The following TEX2 variants were observed in gnomAD, a reference collection of about 807,000 sequenced individuals.
TEX2 encodes the protein testis expressed 2.
TEX2 carries 53 observed loss-of-function variants against 106.9 expected under a neutral mutation model. The ratio of observed to expected loss-of-function variants is 0.50; its 90% CI spans 0.40 to 0.62. The LOEUF (loss-of-function observed/expected upper bound fraction) is 0.62. Ranked by LOEUF, TEX2 falls within the 20% of genes least tolerant of loss-of-function variation. TEX2 has a pLI of 0.00. For synonymous variants in TEX2, 523 were observed against 534.8 expected, an observed-to-expected ratio of 0.98 and a Z score of 0.30; for missense variants, 1,207 against 1,379.0, an observed-to-expected ratio of 0.88 and a Z score of 1.98.
intron 5 of TEX2, among the ~76,000 whole-genome samples, chr17:64,178,772 A>G (rs536031245): frequency 6.6e-6 from 1 of 152,306 alleles, no homozygotes; most frequent in Non-Finnish European, 1.5e-5. Flanking sequence ...GGCTGGCTGC[A>G]GCTATAACAC....
At chr17:64,200,463 G>A (rs1489394422) in intron 2 of TEX2, among the ~76,000 whole-genome samples, 1 of 152,218 alleles carries the variant, frequency 6.6e-6, no homozygotes, top group Non-Finnish European at 1.5e-5. Flanking sequence ...TACCACCTTA[G>A]CTGAAGAACA....
At chr17:64,165,039 T>C (rs987801231) in intron 7 of TEX2, among the ~76,000 whole-genome samples, 3 of 152,196 alleles carry the variant, frequency 2.0e-5, no homozygotes, top group South Asian at 2.1e-4. Context: ...CCTCACGTTA[T>C]TTTCTCCTCC....
intron 7 of TEX2, among the ~76,000 whole-genome samples, chr17:64,167,557 G>A (rs1438348863): frequency 6.6e-6 from 1 of 152,174 alleles, no homozygotes; most frequent in African/African-American, 2.4e-5. Flanking sequence ...AGTGGCTCAT[G>A]CATGTAATCC....
chr17:64,262,561 C>T (rs937201640), intron 1 of TEX2, among the ~76,000 whole-genome samples: 4 of 152,198 alleles, frequency 2.6e-5, no homozygotes, highest in Admixed American at 6.5e-5. Flanking sequence ...GCCACACCGC[C>T]TCCCCGCAAG....
chr17:64,168,559 C>T (rs553270356), intron 7 of TEX2, among the ~76,000 whole-genome samples: 54 of 152,312 alleles, frequency 3.5e-4, no homozygotes, highest in African/African-American at 1.2e-3. Flanking sequence ...CAAAGCCTGA[C>T]CAAAGCTGCC....
chr17:64,165,374 G>C (rs964726667), intron 7 of TEX2, among the ~76,000 whole-genome samples: 2 of 152,194 alleles, frequency 1.3e-5, no homozygotes, highest in Non-Finnish European at 2.9e-5. Flanking sequence ...TTGACAAGCT[G>C]CAAATCAGGG....
At chr17:64,210,431 T>A (rs921968797) in intron 2 of TEX2, among the ~76,000 whole-genome samples, 1 of 152,288 alleles carries the variant, frequency 6.6e-6, no homozygotes, top group South Asian at 2.1e-4. Context: ...TGCAGAAATT[T>A]TAAAAACCCA....
chr17:64,218,081 GA>G (rs1385444270), intron 1 of TEX2, among the ~76,000 whole-genome samples: 3 of 152,026 alleles, frequency 2.0e-5, no homozygotes, highest in East Asian at 3.9e-4. Flanking sequence ...TGAATACATT[GA>G]AAAAAAATTT....
chr17:64,176,351 T>C (rs1385085615), intron 6 of TEX2, among the ~76,000 whole-genome samples: 3 of 152,194 alleles, frequency 2.0e-5, no homozygotes, highest in African/African-American at 7.2e-5. Context: ...TTACCGTAGT[T>C]CACAGTTTCT....
At chr17:64,253,329 CTTTCT>C (rs146406148) in intron 1 of TEX2, among the ~76,000 whole-genome samples, 90,089 of 142,172 alleles carry the variant, frequency 0.63, 28,928 homozygotes, top group East Asian at 0.83. Context: ...TTCTTTCTTT[CTTTCT>C]TTTTTTTTTT....
intron 1 of TEX2, among the ~76,000 whole-genome samples, chr17:64,222,162 G>A (rs879994220): frequency 1.7e-4 from 26 of 152,208 alleles, no homozygotes; most frequent in Non-Finnish European, 2.5e-4. Flanking sequence ...TTTGCTATAC[G>A]TATTTTATCA....
intron 2 of TEX2, among the ~76,000 whole-genome samples, chr17:64,198,644 C>T (rs1164416346): frequency 1.5e-5 from 2 of 131,182 alleles, no homozygotes; most frequent in Non-Finnish European, 3.7e-5. Flanking sequence ...ATACTGCCTT[C>T]GTCCATCCTA....
At chr17:64,258,825 T>C (rs1240959756) in intron 1 of TEX2, among the ~76,000 whole-genome samples, 7 of 151,774 alleles carry the variant, frequency 4.6e-5, no homozygotes. Context: ...AGTGGTGCGA[T>C]CTCGGCTCAC....
chr17:64,259,629 G>C (rs1337862471), intron 1 of TEX2, among the ~76,000 whole-genome samples: 9 of 152,168 alleles, frequency 5.9e-5, no homozygotes, highest in Non-Finnish European at 1.3e-4. Context: ...CACAAACCAT[G>C]GATTATTGCC....
At chr17:64,157,623 T>C (rs193043475) in intron 8 of TEX2, among the ~76,000 whole-genome samples, 13 of 152,372 alleles carry the variant, frequency 8.5e-5, no homozygotes, top group African/African-American at 3.1e-4. Context: ...AGATGTTTGC[T>C]TTGAGGGAGA....
rs747374011 is a variant in TEX2 at position 64,171,205 on chromosome 17, G to A, written c.2572-6C>T. 4 of 1,613,054 alleles carry A rather than the reference G, an allele frequency of 2.5e-6. No individual in the cohort carries two copies. The highest frequency in any genetic ancestry group is 1.7e-5 in the Admixed American group (1 of 59,994). ...TCATTCATAAAGTAGGGGAGCTAGA[G>A]GAAACAAGCAAACAATGAGTGAGAC... On this transcript the variant is annotated splice_polypyrimidine_tract_variant and splice_region_variant and intron_variant, in intron 6 of 11. Coordinates refer to ENST00000584379, the MANE Select transcript of TEX2 (RefSeq NM_001288732.2).
chr17:64,250,878 G>T (rs903346128), intron 1 of TEX2, among the ~76,000 whole-genome samples: 2 of 152,034 alleles, frequency 1.3e-5, no homozygotes, highest in Non-Finnish European at 2.9e-5. Context: ...TTTTTGTAGA[G>T]ACAGGGTTTC....
intron 6 of TEX2, among the ~76,000 whole-genome samples, chr17:64,176,255 C>T (rs2031611984): frequency 6.6e-6 from 1 of 152,238 alleles, no homozygotes; most frequent in South Asian, 2.1e-4. Flanking sequence ...CTTGACAAGG[C>T]CAGGAAAAGC....
intron 2 of TEX2, among the ~76,000 whole-genome samples, chr17:64,202,367 A>G (rs1261609547): frequency 6.6e-6 from 1 of 152,130 alleles, no homozygotes; most frequent in East Asian, 1.9e-4. Flanking sequence ...CTGAGGCACA[A>G]CTTTCCTCCA....
Sources: allele counts gnomAD v4.1 joint callset (sites outside exome capture counted in the v4.1 genomes callset), GRCh38; gene constraint gnomAD v4.1.1; transcripts MANE v1.5; gene names NCBI Gene and HGNC (gene_info 2026-07-23, HGNC 2026-07-21).